PARD3: variants seen among roughly 807,000 people sequenced by gnomAD.
PARD3 encodes par-3 family cell polarity regulator.
A neutral mutation model predicts 155.4 loss-of-function variants in PARD3; 75 were observed. The observed-to-expected ratio is 0.48, with a 90% confidence interval of 0.40 to 0.58. The LOEUF is 0.58. Ranked by LOEUF, PARD3 falls within the 20% of genes least tolerant of loss-of-function variation. PARD3 has a pLI of 0.00. For missense variants in PARD3, 1,642 were observed against 1,721.7 expected, an observed-to-expected ratio of 0.95 and a Z score of 0.82; for synonymous variants, 576 against 610.5, an observed-to-expected ratio of 0.94 and a Z score of 0.83.
chr10:34,505,476 A>G (rs2080999448), intron 3 of PARD3, among the ~76,000 whole-genome samples: 1 of 152,172 alleles, frequency 6.6e-6, no homozygotes, highest in Admixed American at 6.5e-5. Flanking sequence ...AGCTTTGTGC[A>G]CAGGGGGTCC....
rs773953 is a variant in PARD3, at chr10:34,429,629, G to A, written c.714+20688C>T. On this transcript the variant is annotated intron_variant, in intron 5 of 24. Transcript: ENST00000374788. ...AAAACGGAGTCTTGCACTGTTGCCC[G>A]CGCTGGAGTGCAATGATGTGATCTC... Among the ~76,000 whole-genome samples the A allele has an allele frequency of 8.6e-3, 1,303 of 151,916 alleles. 20 individuals are homozygous for A. The highest frequency in any genetic ancestry group is 0.03 in the African/African-American group (1,226 of 41,388).
intron 1 of PARD3, among the ~76,000 whole-genome samples, chr10:34,798,224 G>A (rs958440207): frequency 6.6e-6 from 1 of 152,130 alleles, no homozygotes; most frequent in Non-Finnish European, 1.5e-5. Flanking sequence ...AGCTACTCAG[G>A]AGGCTGAGGC....
chr10:34,678,513 G>C (rs2093753975), intron 2 of PARD3, among the ~76,000 whole-genome samples: 1 of 151,980 alleles, frequency 6.6e-6, no homozygotes. Flanking sequence ...AGATGTTTGG[G>C]TAACATCAGG....
At chr10:34,721,440 A>G (rs1467392385) in intron 1 of PARD3, among the ~76,000 whole-genome samples, 1 of 152,222 alleles carries the variant, frequency 6.6e-6, no homozygotes, top group African/African-American at 2.4e-5. Flanking sequence ...GTGCCTGGGC[A>G]GCCGGCAAGC....
At chr10:34,701,078 G>A (rs1163338595) in intron 1 of PARD3, among the ~76,000 whole-genome samples, 1 of 152,068 alleles carries the variant, frequency 6.6e-6, no homozygotes, top group African/African-American at 2.4e-5. Flanking sequence ...TGTGAATTCA[G>A]GAAGGAAAGA....
Position 34,648,586 on chromosome 10 carries a change from C to T in PARD3, c.222+47732G>A, listed in dbSNP as rs551833892. ...GCATTAGTTAGATTCTCAAAAGGGG[C>T]GTGCAACCTAGATCCCTCACACACA... On this transcript the variant is annotated intron_variant, in intron 2 of 24. Transcript: ENST00000374788. Among the ~76,000 whole-genome samples, 9 of 152,186 alleles carry T rather than the reference C, an allele frequency of 5.9e-5. No individual in the cohort carries two copies. The East Asian group carries it at 1.4e-3, about 23-fold the overall frequency.
rs117088276 is a variant in PARD3, at chr10:34,716,803, G to A, written c.121-20384C>T. The stretch of plus-strand genomic sequence containing the variant: ...GACAGGGTTTCTCCATGTTGGTCAG[G>A]TTGGTCTCGCACTGCCAACCTCAGG... On this transcript the variant is annotated intron_variant, in intron 1 of 24. Coordinates refer to ENST00000374788, the MANE Select transcript of PARD3 (RefSeq NM_001184785.2). Among the ~76,000 whole-genome samples, 48 of 152,000 alleles carry A rather than the reference G, an allele frequency of 3.2e-4. No homozygotes were observed. In the East Asian group the frequency reaches 4.8e-3, roughly 15 times the overall value.
chr10:34,142,536 G>A (rs1452027072), intron 22 of PARD3, among the ~76,000 whole-genome samples: 1 of 144,694 alleles, frequency 6.9e-6, no homozygotes, highest in Non-Finnish European at 1.5e-5. Context: ...CTCTGTCAAA[G>A]AAAAAGAAAG....
At chr10:34,178,729 C>T (rs1950140309) in intron 22 of PARD3, among the ~76,000 whole-genome samples, 1 of 152,094 alleles carries the variant, frequency 6.6e-6, no homozygotes, top group Non-Finnish European at 1.5e-5. Context: ...AAAGAAAGCT[C>T]TGTGGTAGAA....
chr10:34,642,085 C>T (rs553632429), intron 2 of PARD3, among the ~76,000 whole-genome samples: 2 of 152,166 alleles, frequency 1.3e-5, no homozygotes, highest in South Asian at 4.1e-4. Context: ...CCTGGGGCCC[C>T]TCGCCCTGTA....
chr10:34,427,119 T>G (rs2075651355), intron 5 of PARD3, among the ~76,000 whole-genome samples: 1 of 152,178 alleles, frequency 6.6e-6, no homozygotes, highest in East Asian at 1.9e-4. Flanking sequence ...GTAGAGCATG[T>G]GTGTTTGAAC....
At chr10:34,513,486 T>C (rs1024672509) in intron 3 of PARD3, among the ~76,000 whole-genome samples, 1 of 152,228 alleles carries the variant, frequency 6.6e-6, no homozygotes, top group African/African-American at 2.4e-5. Context: ...TTTCACCATG[T>C]TGGCCAGGCT....
chr10:34,814,633 G>A (rs960902117), intron 1 of PARD3, among the ~76,000 whole-genome samples: 95 of 152,004 alleles, frequency 6.2e-4, no homozygotes, highest in African/African-American at 2.1e-3. Flanking sequence ...CGGAGCTCCC[G>A]GGCGGAGGGT....
At chr10:34,381,508 G>A (rs184841164) in intron 9 of PARD3, among the ~76,000 whole-genome samples, 24 of 152,212 alleles carry the variant, frequency 1.6e-4, no homozygotes, top group Non-Finnish European at 3.1e-4. Context: ...AACTTTGAAG[G>A]AGGCAAACTG....
intron 15 of PARD3, chr10:34,343,186 C>A (rs1011382917): frequency 3.2e-6 from 1 of 308,606 alleles, no homozygotes; most frequent in Non-Finnish European, 4.7e-6. Context: ...CCAGTCACCC[C>A]AATGGACAAC....
intron 4 of PARD3, among the ~76,000 whole-genome samples, chr10:34,452,852 G>C (rs1237964516): frequency 1.3e-5 from 2 of 152,148 alleles, no homozygotes; most frequent in Non-Finnish European, 2.9e-5. Context: ...AAAACATTTA[G>C]AATTAGCTTT....
At chr10:34,777,946 G>C (rs1839798452) in intron 1 of PARD3, among the ~76,000 whole-genome samples, 1 of 152,162 alleles carries the variant, frequency 6.6e-6, no homozygotes, top group Non-Finnish European at 1.5e-5. Context: ...CTTTGGGAAA[G>C]AGACTGCTGC....
intron 1 of PARD3, among the ~76,000 whole-genome samples, chr10:34,721,081 G>A (rs2133730680): frequency 6.6e-6 from 1 of 152,242 alleles, no homozygotes; most frequent in Middle Eastern, 3.4e-3. Context: ...TGAGAATGGT[G>A]ACTCGTTTGT....
intron 2 of PARD3, among the ~76,000 whole-genome samples, chr10:34,559,536 T>C (rs2085294002): frequency 6.6e-6 from 1 of 151,710 alleles, no homozygotes; most frequent in African/African-American, 2.4e-5. Context: ...GAGATGTGAA[T>C]TCTACCTGAG....
Sources: gnomAD v4.1 joint callset for allele counts (sites outside exome capture counted in the v4.1 genomes callset) on GRCh38, gnomAD v4.1.1 for gene constraint, MANE v1.5 for transcripts, NCBI Gene and HGNC (gene_info 2026-07-23, HGNC 2026-07-21) for gene names.